Variants in SLC25A25 observed in about 807,000 individuals in gnomAD.
SLC25A25 encodes solute carrier family 25 member 25, also known as mitochondrial adenyl nucleotide antiporter SLC25A25.
Under a neutral mutation model 57.7 loss-of-function variants are expected in SLC25A25, and 32 were observed. That is an observed-to-expected ratio of 0.55 (90% CI 0.42 to 0.74). SLC25A25 has a LOEUF of 0.74. SLC25A25 is among the 30% of genes least tolerant of loss of function. SLC25A25 has a pLI of 0.00. For synonymous variants in SLC25A25, 306 were observed against 291.2 expected (o/e 1.05, Z -0.52); for missense variants, 556 against 701.3 (o/e 0.79, Z 2.34).
At chr9:128,100,869 A>AT (rs972595693) in intron 1 of SLC25A25, 11 of 557,978 alleles carry the variant, frequency 2.0e-5, no homozygotes, top group Non-Finnish European at 3.2e-5. Flanking sequence ...GGGAGACAAG[A>AT]TTGGCCCTTG....
At position 128,105,749 on chromosome 9, in the gene SLC25A25, C is replaced by A. The variant is rs781070275; in HGVS notation, c.804C>A (p.Asn268Lys). The A allele has an allele frequency of 6.2e-7, 1 of 1,613,552 alleles. No individual in the cohort carries two copies. Among genetic ancestry groups the A allele is most frequent in the South Asian group, 1.1e-5 (1 of 91,052 alleles). Reference sequence around the variant, plus strand: ...CCCAGGTCCATGCCTCCCGCAGCAACAACATGGGCATCGTTGGTGGCTTCA... The same window carrying A: ...CCCAGGTCCATGCCTCCCGCAGCAAAAACATGGGCATCGTTGGTGGCTTCA... ...VLMQVHASRS[N>K]NMGIVGGFTQ... Residue 268 changes from asparagine (N) to lysine (K), a missense_variant, in exon 7 of 11, where the codon AAC (asparagine) becomes AAA (lysine). By Grantham distance (94) the Asn-to-Lys change is moderately conservative (BLOSUM62 0). This residue lies in a region of SLC25A25 where 294 missense variants were observed against 389.6 expected (regional missense o/e 0.75). Transcript: ENST00000373069.
At chr9:128,072,306 G>C (rs1030914710) in intron 1 of SLC25A25, among the ~76,000 whole-genome samples, 2 of 152,196 alleles carry the variant, frequency 1.3e-5, no homozygotes, top group African/African-American at 4.8e-5. Context: ...AGCCGAAAGA[G>C]AACTGTGGGG....
chr9:128,081,301 A>G lies in SLC25A25; in HGVS notation c.261+12721A>G, dbSNP rs536374171. Among the ~76,000 whole-genome samples, 4 of 152,332 alleles carry G rather than the reference A, an allele frequency of 2.6e-5. No homozygotes were observed. In the East Asian group the frequency reaches 7.7e-4, roughly 29 times the overall value. On this transcript the variant is annotated intron_variant, in intron 1 of 10. Coordinates refer to ENST00000373069, the MANE Select transcript of SLC25A25 (RefSeq NM_001330988.2). ...GCTGGTGAGAGTTAAGTTTGTGTTGAGTCAGATCATCTCAGTGTGAGTGCA... is the reference window on the plus strand; with the variant it reads ...GCTGGTGAGAGTTAAGTTTGTGTTGGGTCAGATCATCTCAGTGTGAGTGCA...
chr9:128,079,852 A>G (rs577798369), intron 1 of SLC25A25, among the ~76,000 whole-genome samples: 7 of 150,346 alleles, frequency 4.7e-5, no homozygotes, highest in East Asian at 2.0e-4. Context: ...TTAGCCGGGT[A>G]TGGTGGTGCA....
In SLC25A25 at chr9:128,068,592, G is replaced by A. The variant is rs574265155; in HGVS notation, c.261+12G>A. The A allele has an allele frequency of 7.1e-7, 1 of 1,414,910 alleles. No homozygotes were observed. Among genetic ancestry groups the A allele is most frequent in the South Asian group, 1.5e-5 (1 of 64,550 alleles). 87.6% of individuals were successfully genotyped at this position (1,414,910 alleles called of 1,614,324 possible). The stretch of plus-strand genomic sequence containing the variant: ...AGGGCGAGCTCCAGGTAGGCTGCGC[G>A]CGTCCTCAGCACTGGCGGGGAGGGA... On this transcript the variant is annotated intron_variant, in intron 1 of 10. Coordinates refer to ENST00000373069, the MANE Select transcript of SLC25A25 (RefSeq NM_001330988.2).
At position 128,107,535 on chromosome 9, in the gene SLC25A25, A is replaced by G; in HGVS notation, c.*91A>G. 1 of 1,428,672 alleles carries G rather than the reference A, an allele frequency of 7.0e-7. No homozygotes were observed. Among genetic ancestry groups the G allele is most frequent in the Non-Finnish European group, 9.3e-7 (1 of 1,075,722 alleles). The allele number at this position is 1,428,672 out of a possible 1,614,324, so 88.5% of individuals were successfully genotyped here. A position where few individuals can be genotyped will look rare whatever the true frequency, so the allele number is the denominator to read the frequency against. On this transcript the variant is annotated 3_prime_UTR_variant, in exon 11 of 11. Coordinates refer to ENST00000373069, the MANE Select transcript of SLC25A25 (RefSeq NM_001330988.2). ...CTCATTCTGTGAATGTGCCAACACTAAGCTGTCTCGAGCCAAGCTGTGAAA... is the reference window on the plus strand; with the variant it reads ...CTCATTCTGTGAATGTGCCAACACTGAGCTGTCTCGAGCCAAGCTGTGAAA...
rs1200520348 is a variant in SLC25A25 at position 128,106,459 on chromosome 9, G to T, written c.1151G>T (p.Gly384Val). 2 of 1,613,196 alleles carry T rather than the reference G, an allele frequency of 1.2e-6. No homozygotes were observed. The highest frequency in any genetic ancestry group is 1.7e-6 in the Non-Finnish European group (2 of 1,179,954). The change falls in exon 9 of 11, where the codon GGC becomes GTC. Residue 384 changes from glycine (G) to valine (V), a missense_variant. Gly to Val is a moderately radical substitution (Grantham distance 109). Transcript: ENST00000373069. ...AREGVAAFYK[G>V]YVPNMLGIIP... ...GAGGGGGTGGCCGCCTTCTACAAAG[G>T]CTATGTCCCCAACATGCTGGGCATC...
chr9:128,070,389 C>T (rs910634614), intron 1 of SLC25A25, among the ~76,000 whole-genome samples: 3 of 151,530 alleles, frequency 2.0e-5, no homozygotes, highest in African/African-American at 4.8e-5. Flanking sequence ...TGAGCCACCG[C>T]GCCCGGCCAC....
intron 1 of SLC25A25, among the ~76,000 whole-genome samples, chr9:128,071,266 A>T (rs1026461342): frequency 6.6e-6 from 1 of 152,188 alleles, no homozygotes; most frequent in African/African-American, 2.4e-5. Context: ...TTTATTAACC[A>T]AAGAGAGCCT....
In SLC25A25 at chr9:128,085,202, G is replaced by C. The variant is rs1484282234; in HGVS notation, c.262-15894G>C. ...AAAAATTAGCTGGGTGTGGTGGCGG[G>C]CGCCTGTAGTCCCAGCTACTCGGGA... On this transcript the variant is annotated intron_variant, in intron 1 of 10. Coordinates refer to ENST00000373069, the MANE Select transcript of SLC25A25 (RefSeq NM_001330988.2). Among the ~76,000 whole-genome samples the C allele has an allele frequency of 2.0e-5, 3 of 151,952 alleles. No homozygotes were observed. In the East Asian group the frequency reaches 5.8e-4, roughly 29 times the overall value.
intron 1 of SLC25A25, among the ~76,000 whole-genome samples, chr9:128,074,037 A>G (rs1188111812): frequency 2.0e-5 from 3 of 150,690 alleles, no homozygotes; most frequent in Non-Finnish European, 4.4e-5. Flanking sequence ...CCTGTCCTTG[A>G]GAAGATTTTT....
intron 1 of SLC25A25, among the ~76,000 whole-genome samples, chr9:128,077,797 G>C (rs1833051674): frequency 1.3e-5 from 2 of 152,108 alleles, no homozygotes; most frequent in Non-Finnish European, 2.9e-5. Context: ...TGTAATCCCA[G>C]CACTTTGGGA....
At chr9:128,089,744 C>T (rs1833356164) in intron 1 of SLC25A25, among the ~76,000 whole-genome samples, 1 of 151,722 alleles carries the variant, frequency 6.6e-6, no homozygotes. Flanking sequence ...GTGATCCTCC[C>T]ACCTCTCAGC....
intron 1 of SLC25A25, 198 bp from the exon 2 acceptor site, chr9:128,100,898 C>A (rs931111374): frequency 1.5e-6 from 1 of 655,978 alleles, no homozygotes; most frequent in African/African-American, 1.8e-5. Flanking sequence ...CTGGCCAGCA[C>A]CTGGGGTTCT....
intron 1 of SLC25A25, among the ~76,000 whole-genome samples, chr9:128,070,390 G>A (rs1309038629): frequency 2.0e-5 from 3 of 147,534 alleles, no homozygotes; most frequent in Non-Finnish European, 4.5e-5. Flanking sequence ...GAGCCACCGC[G>A]CCCGGCCACC....
In SLC25A25 at chr9:128,103,807, G is replaced by A; in HGVS notation, c.751G>A (p.Ala251Thr). 1.9e-6 allele frequency: 3 copies of A among 1,611,278 alleles called. No individual in the cohort carries two copies. Among genetic ancestry groups the A allele is most frequent in the Non-Finnish European group, 2.5e-6 (3 of 1,178,576 alleles). ...GAGAVSRTCT[A>T]PLDRLKVLMQ... is the part of the protein sequence containing the mutation. ...AGGGGCCGTATCCAGAACCTGCACG[G>A]CCCCCCTGGACAGGCTCAAGGTGCT... is the stretch of plus-strand genomic sequence containing the variant. The change falls in exon 6 of 11, where the codon GCC (alanine) becomes ACC (threonine). Residue 251 changes from alanine (A) to threonine (T), a missense_variant. Transcript: ENST00000373069. This position sits in a 1 kb window ranked among gnomAD's most constrained non-coding sequence, Gnocchi z 6.7.
intron 1 of SLC25A25, among the ~76,000 whole-genome samples, chr9:128,072,412 T>C (rs1459927374): frequency 1.3e-5 from 2 of 152,176 alleles, no homozygotes; most frequent in Non-Finnish European, 2.9e-5. Flanking sequence ...ATGAAACCAG[T>C]GTGAGATGCT....
intron 1 of SLC25A25, among the ~76,000 whole-genome samples, chr9:128,088,686 T>C (rs1402422590): frequency 6.6e-6 from 1 of 152,202 alleles, no homozygotes; most frequent in African/African-American, 2.4e-5. Context: ...CTATGTTTTG[T>C]TTGCACTTGT....
At chr9:128,074,674 G>A (rs1278284263) in intron 1 of SLC25A25, among the ~76,000 whole-genome samples, 6 of 151,962 alleles carry the variant, frequency 3.9e-5, no homozygotes, top group Admixed American at 1.3e-4. Flanking sequence ...GTGCCAACAC[G>A]GGCCTGGCCG....
Sources: gnomAD v4.1 joint callset for allele counts (sites outside exome capture counted in the v4.1 genomes callset) on GRCh38, gnomAD v4.1.1 for gene constraint, gnomAD v4.1.1 regional missense constraint, Gnocchi (gnomAD v3.1) non-coding constraint, MANE v1.5 for transcripts, NCBI Gene and HGNC (gene_info 2026-07-23, HGNC 2026-07-21) for gene names.